Variants in AAK1 observed in about 807,000 individuals in gnomAD.
The protein encoded by AAK1 is AP2 associated kinase 1, also known as AP2-associated protein kinase 1.
A neutral mutation model predicts 116.0 loss-of-function variants in AAK1; 37 were observed. That is an observed-to-expected ratio of 0.32 (90% CI 0.25 to 0.42). The LOEUF is 0.42. Among genes scored for constraint, AAK1 ranks in the 10% least tolerant of loss-of-function variants. AAK1 has a pLI of 1.00. For missense variants in AAK1, 919 were observed against 1,170.6 expected (o/e 0.79, Z 3.14); for synonymous variants, 458 against 439.9 (o/e 1.04, Z -0.51).
intron 5 of AAK1, among the ~76,000 whole-genome samples, chr2:69,539,947 T>C (rs572174045): frequency 2.0e-5 from 3 of 152,340 alleles, no homozygotes; most frequent in South Asian, 2.1e-4. Context: ...TTATATTTCA[T>C]CTATTTCTGT....
At chr2:69,584,663 C>G (rs557810913) in intron 2 of AAK1, among the ~76,000 whole-genome samples, 4 of 152,286 alleles carry the variant, frequency 2.6e-5, no homozygotes, top group Admixed American at 1.3e-4. Flanking sequence ...GGTGTCAGGT[C>G]AGGCTCTTGG....
chr2:69,572,620 T>TAAAAAAAAA (rs768419313), intron 2 of AAK1, among the ~76,000 whole-genome samples: 1 of 106,878 alleles, frequency 9.4e-6, no homozygotes. Flanking sequence ...ACTCTGTCTT[T>TAAAAAAAAA]AAAAAAAAAA....
In AAK1 at chr2:69,520,796, A is replaced by G. The variant is rs768824210; in HGVS notation, c.1210+38T>C. Reference sequence around the variant, plus strand: ...ACTTCTCTGTTGTCCAGAATAACAAAGAGGTGTATTGAGTTTCAAACCAAT... The same window carrying G: ...ACTTCTCTGTTGTCCAGAATAACAAGGAGGTGTATTGAGTTTCAAACCAAT... On this transcript the variant is annotated intron_variant, in intron 11 of 21. Coordinates refer to ENST00000409085, the MANE Select transcript of AAK1 (RefSeq NM_014911.5). 11 of 1,513,212 alleles carry G rather than the reference A, an allele frequency of 7.3e-6. No individual in the cohort carries two copies. In the South Asian group the frequency reaches 1.5e-4, roughly 20 times the overall value. The allele number at this position is 1,513,212 out of a possible 1,614,324, so 93.7% of individuals were successfully genotyped here. A position where few individuals can be genotyped will look rare whatever the true frequency, so the allele number is the denominator to read the frequency against.
In AAK1 at chr2:69,531,788, C is replaced by G. The variant is rs1381795531; in HGVS notation, c.656+253G>C. ...TCTGTGACATCATAAATCAAAACAT[C>G]TATGTACAATGACCACAGGACCACT... On this transcript the variant is annotated intron_variant, in intron 6 of 21. Transcript: ENST00000409085. The G allele has an allele frequency of 5.0e-6, 6 of 1,210,734 alleles. No homozygotes were observed. The Admixed American group carries it at 2.2e-4, about 44-fold the overall frequency. The allele number at this position is 1,210,734 out of a possible 1,614,324, so 75.0% of individuals were successfully genotyped here.
chr2:69,501,861 C>T (rs1458277226), intron 16 of AAK1, among the ~76,000 whole-genome samples: 1 of 152,084 alleles, frequency 6.6e-6, no homozygotes, highest in Non-Finnish European at 1.5e-5. Flanking sequence ...GTCCCAGCTG[C>T]TTGGGAGGCT....
At chr2:69,597,168 G>A (rs1673336653) in intron 2 of AAK1, among the ~76,000 whole-genome samples, 1 of 151,900 alleles carries the variant, frequency 6.6e-6, no homozygotes, top group South Asian at 2.1e-4. Flanking sequence ...GGCATTTATG[G>A]CAGAATTTCA....
At chr2:69,643,448 C>T (rs1195330477) in intron 1 of AAK1, 127 bp downstream of exon 1, 2 of 1,198,810 alleles carry the variant, frequency 1.7e-6, no homozygotes, top group South Asian at 4.2e-5. Context: ...CCGGGACCCC[C>T]GAGCCGGGAG....
At chr2:69,592,869 A>G (rs1024657375) in intron 2 of AAK1, among the ~76,000 whole-genome samples, 7 of 152,186 alleles carry the variant, frequency 4.6e-5, no homozygotes, top group Non-Finnish European at 7.4e-5. Context: ...TGAGTGTCTT[A>G]AGGCTCATCA....
chr2:69,510,133 T>G (rs1038342401), intron 13 of AAK1, among the ~76,000 whole-genome samples: 1 of 152,176 alleles, frequency 6.6e-6, no homozygotes, highest in Admixed American at 6.5e-5. Context: ...TTGTACAGAT[T>G]ATTTTGTCAC....
At chr2:69,488,527 T>C (rs935647490) in intron 17 of AAK1, among the ~76,000 whole-genome samples, 20 of 152,070 alleles carry the variant, frequency 1.3e-4, no homozygotes, top group African/African-American at 4.8e-4. Context: ...CTTTAAAGTG[T>C]TGTTGGGATT....
At chr2:69,505,929 T>C (rs1312651333) in intron 15 of AAK1, among the ~76,000 whole-genome samples, 1 of 152,186 alleles carries the variant, frequency 6.6e-6, no homozygotes, top group Non-Finnish European at 1.5e-5. Context: ...TGGAGATTGG[T>C]TGGTTGCACA....
chr2:69,621,022 C>G (rs932486029), intron 2 of AAK1, among the ~76,000 whole-genome samples: 1 of 152,194 alleles, frequency 6.6e-6, no homozygotes, highest in East Asian at 1.9e-4. Flanking sequence ...GGTGCGTCCA[C>G]CAGGGTGTAA....
intron 2 of AAK1, among the ~76,000 whole-genome samples, chr2:69,604,673 T>G (rs1673721731): frequency 6.6e-6 from 1 of 152,168 alleles, no homozygotes. Flanking sequence ...AGGCAGAGAC[T>G]TTAAAAACAT....
chr2:69,513,481 G>A (rs1012018827), intron 13 of AAK1, among the ~76,000 whole-genome samples: 18 of 152,000 alleles, frequency 1.2e-4, no homozygotes, highest in East Asian at 1.9e-4. Flanking sequence ...CACCACGCCC[G>A]GCTAATTTTT....
At position 69,586,928 on chromosome 2, in the gene AAK1, G is replaced by A. The variant is rs1265547004; in HGVS notation, c.164-29950C>T. ...GAGCCTAATAGGCAGTTAGCTGTGAGAACCAATGCACCATGCTTTCAAATG... is the reference window on the plus strand; with the variant it reads ...GAGCCTAATAGGCAGTTAGCTGTGAAAACCAATGCACCATGCTTTCAAATG... On this transcript the variant is annotated intron_variant, in intron 2 of 21. Transcript: ENST00000409085. Among the ~76,000 whole-genome samples, 4 of 152,164 alleles carry A rather than the reference G, an allele frequency of 2.6e-5. No individual in the cohort carries two copies. In the East Asian group the frequency reaches 7.7e-4, roughly 29 times the overall value.
chr2:69,485,605 T>C (rs926884597), intron 17 of AAK1, among the ~76,000 whole-genome samples: 2 of 152,076 alleles, frequency 1.3e-5, no homozygotes, highest in South Asian at 4.1e-4. Flanking sequence ...GCCACATCTA[T>C]GCCTTTTGGC....
At chr2:69,619,324 T>C (rs72897426) in intron 2 of AAK1, among the ~76,000 whole-genome samples, 10,276 of 152,196 alleles carry the variant, frequency 0.068, 779 homozygotes, top group East Asian at 0.16. Context: ...TATGATTGCC[T>C]TCAATTCCCA....
At chr2:69,479,278 C>T (rs1464229765) in intron 19 of AAK1, among the ~76,000 whole-genome samples, 2 of 152,114 alleles carry the variant, frequency 1.3e-5, no homozygotes, top group African/African-American at 4.8e-5. Flanking sequence ...ACTGCATTTA[C>T]ACGTTACACA....
intron 17 of AAK1, among the ~76,000 whole-genome samples, chr2:69,484,915 GA>G (rs1429963331): frequency 5.4e-5 from 8 of 149,464 alleles, no homozygotes; most frequent in African/African-American, 1.7e-4. Flanking sequence ...AAAAAGGAAG[GA>G]AAAAAAAGGA....
Sources: allele counts gnomAD v4.1 joint callset (sites outside exome capture counted in the v4.1 genomes callset), GRCh38; gene constraint gnomAD v4.1.1; transcripts MANE v1.5; gene names NCBI Gene and HGNC (gene_info 2026-07-23, HGNC 2026-07-21).